The following PACSIN2 variants were observed in gnomAD, a reference collection of about 807,000 sequenced individuals.
PACSIN2 encodes the protein protein kinase C and casein kinase substrate in neurons 2.
A neutral mutation model predicts 63.8 loss-of-function variants in PACSIN2; 25 were observed. The observed-to-expected ratio is 0.39, with a 90% CI of 0.29 to 0.55. The LOEUF (loss-of-function observed/expected upper bound fraction) is 0.55. Ranked by LOEUF, PACSIN2 falls within the 20% of genes least tolerant of loss-of-function variation. The pLI is 0.62. For missense variants in PACSIN2, 518 were observed against 646.9 expected, an observed-to-expected ratio of 0.80 and a Z score of 2.16; for synonymous variants, 255 against 256.2, an observed-to-expected ratio of 1.00 and a Z score of 0.05.
intron 2 of PACSIN2, among the ~76,000 whole-genome samples, chr22:42,901,900 G>A (rs771622805): frequency 6.6e-6 from 1 of 152,190 alleles, no homozygotes; most frequent in Non-Finnish European, 1.5e-5. Flanking sequence ...GGTTCAGCTC[G>A]GACCAGCTGG....
chr22:42,902,762 C>T (rs1459670218), intron 2 of PACSIN2, among the ~76,000 whole-genome samples: 1 of 152,172 alleles, frequency 6.6e-6, no homozygotes, highest in Non-Finnish European at 1.5e-5. Flanking sequence ...TACAGACATG[C>T]ACCACCACGC....
intron 1 of PACSIN2, among the ~76,000 whole-genome samples, chr22:42,975,656 T>A (rs1399351011): frequency 6.6e-5 from 9 of 136,762 alleles, no homozygotes; most frequent in Admixed American, 1.5e-4. Context: ...CAATATTCTT[T>A]AAAAAAAAAA....
chr22:42,963,347 G>A (rs565178294), intron 1 of PACSIN2, among the ~76,000 whole-genome samples: 18 of 152,314 alleles, frequency 1.2e-4, no homozygotes, highest in Admixed American at 4.6e-4. Context: ...AGTCCACCAA[G>A]TTAACTAAAG....
At chr22:42,890,256 T>C (rs1929808875) in intron 4 of PACSIN2, among the ~76,000 whole-genome samples, 1 of 152,038 alleles carries the variant, frequency 6.6e-6, no homozygotes, top group Non-Finnish European at 1.5e-5. Context: ...TGCCTCAGCC[T>C]CCCAAAGTGC....
At chr22:42,965,928 CATAA>C (rs1047823202) in intron 1 of PACSIN2, among the ~76,000 whole-genome samples, 157 of 96,194 alleles carry the variant, frequency 1.6e-3, no homozygotes, top group African/African-American at 6.2e-3. Flanking sequence ...AATAAATAAT[CATAA>C]ATAAATAAAT....
chr22:42,918,305 C>G (rs1320231786), intron 1 of PACSIN2, among the ~76,000 whole-genome samples: 1 of 152,130 alleles, frequency 6.6e-6, no homozygotes, highest in Admixed American at 6.5e-5. Context: ...CCAAAGACAG[C>G]TATATTGCCT....
intron 1 of PACSIN2, among the ~76,000 whole-genome samples, chr22:42,963,683 G>T (rs1360883790): frequency 1.3e-5 from 2 of 152,096 alleles, no homozygotes; most frequent in African/African-American, 4.8e-5. Context: ...TCTGCCCAAG[G>T]TCACCCAGCT....
intron 1 of PACSIN2, among the ~76,000 whole-genome samples, chr22:42,939,413 C>T (rs1933048433): frequency 6.6e-6 from 1 of 152,068 alleles, no homozygotes; most frequent in Non-Finnish European, 1.5e-5. Flanking sequence ...CATGAGAATT[C>T]AAACAGTAGT....
At chr22:42,889,180 GACATGGAACACGCACATGGAGCACGC>G (rs1254468607) in intron 4 of PACSIN2, among the ~76,000 whole-genome samples, 45 of 152,002 alleles carry the variant, frequency 3.0e-4, no homozygotes, top group African/African-American at 9.4e-4. Flanking sequence ...CCACTGAGAT[GACATGGAACACGCACATGGAGCACGC>G]ACATGGAACA....
chr22:42,876,019 G>A, intron 10 of PACSIN2, 118 bp downstream of exon 10: 2 of 804,418 alleles, frequency 2.5e-6, no homozygotes, highest in Non-Finnish European at 3.9e-6. Context: ...GGAAGGGCCT[G>A]CAGTGACTCA....
In PACSIN2 at chr22:42,893,518, CT is replaced by C; in HGVS notation, c.155del (p.Glu52GlyfsTer42). On this transcript the variant is annotated frameshift_variant, in exon 3 of 11. Coordinates refer to ENST00000263246, the MANE Select transcript of PACSIN2 (RefSeq NM_001184970.3). LOFTEE classifies it high-confidence loss of function. Reference protein sequence around the residue: ...MNCLHERARIEKAYAQQLTEW... With the variant: ...MNCLHERARIXKAYAQQLTEW... ...CAGTGAGCTGCTGCGCATACGCCTT[CT>C]CGATGCGCGCCCGCTCATGCAGGCA... The C allele has an allele frequency of 6.2e-7, 1 of 1,614,142 alleles. No homozygotes were observed. Among genetic ancestry groups the C allele is most frequent in the Non-Finnish European group, 8.5e-7 (1 of 1,180,050 alleles).
At chr22:42,936,918 G>GGGC (rs1569296557) in intron 1 of PACSIN2, among the ~76,000 whole-genome samples, 1 of 127,248 alleles carries the variant, frequency 7.9e-6, no homozygotes, top group Non-Finnish European at 1.8e-5. Flanking sequence ...CTCAAAAAAA[G>GGGC]GGGGGGGGGC....
At chr22:42,877,034 G>C in intron 8 of PACSIN2, 24 bp from the exon 9 acceptor site, 1 of 1,613,608 alleles carries the variant, frequency 6.2e-7, no homozygotes, top group South Asian at 1.1e-5. Flanking sequence ...GAGCTTTCAG[G>C]GGATCCCAGC....
intron 3 of PACSIN2, among the ~76,000 whole-genome samples, chr22:42,893,157 A>G (rs188604075): frequency 1.1e-4 from 17 of 152,326 alleles, no homozygotes; most frequent in African/African-American, 3.1e-4. Flanking sequence ...CTTCCACGTG[A>G]TAGGAACTTA....
At chr22:42,872,713 A>G (rs1040326400) in intron 10 of PACSIN2, among the ~76,000 whole-genome samples, 4 of 152,124 alleles carry the variant, frequency 2.6e-5, no homozygotes, top group Non-Finnish European at 5.9e-5. Flanking sequence ...GACTGGGGGT[A>G]CTGTGAAGAT....
At chr22:42,978,606 C>T (rs1299897647) in intron 1 of PACSIN2, among the ~76,000 whole-genome samples, 2 of 152,140 alleles carry the variant, frequency 1.3e-5, no homozygotes, top group Non-Finnish European at 2.9e-5. Context: ...TTTCCATGCC[C>T]GCACTGACGG....
At chr22:42,958,406 T>C (rs1383744904) in intron 1 of PACSIN2, among the ~76,000 whole-genome samples, 1 of 152,196 alleles carries the variant, frequency 6.6e-6, no homozygotes, top group Non-Finnish European at 1.5e-5. Context: ...GGACTAACAC[T>C]GTTTAAAAAG....
intron 1 of PACSIN2, among the ~76,000 whole-genome samples, chr22:42,990,983 C>T (rs1018369480): frequency 2.0e-5 from 3 of 152,172 alleles, no homozygotes; most frequent in Admixed American, 6.5e-5. Flanking sequence ...CACCTCACAA[C>T]GCTGTTGTGA....
At position 42,888,718 on chromosome 22, in the gene PACSIN2, T is replaced by G; in HGVS notation, c.534A>C (p.Ala178=). 6.2e-7 allele frequency: 1 copy of G among 1,614,240 alleles called. No homozygotes were observed. The highest frequency in any genetic ancestry group is 8.5e-7 in the Non-Finnish European group (1 of 1,180,030). The change falls in exon 5 of 11, where the codon GCA becomes GCC. Residue 178 remains alanine, a synonymous_variant. Coordinates refer to ENST00000263246, the MANE Select transcript of PACSIN2 (RefSeq NM_001184970.3). ...GCTGTTCAGGGTTGAGGGATGGGTC[T>G]GCCTTGCTGTTGGCTTCTCGTGAGA... ...LAISREANSK[A]DPSLNPEQLK...
Sources: allele counts gnomAD v4.1 joint callset (sites outside exome capture counted in the v4.1 genomes callset), GRCh38; gene constraint gnomAD v4.1.1; transcripts MANE v1.5; gene names NCBI Gene and HGNC (gene_info 2026-07-23, HGNC 2026-07-21).